OCA2: variants seen among roughly 807,000 people sequenced by gnomAD.
The protein encoded by OCA2 is P protein.
Under a neutral mutation model 100.2 loss-of-function variants are expected in OCA2, and 77 were observed. That is an observed-to-expected ratio of 0.77 (90% confidence interval 0.64 to 0.93). The LOEUF is 0.93. Ranked by LOEUF, OCA2 falls within the 40% of genes least tolerant of loss-of-function variation. The pLI, the probability that OCA2 is intolerant of heterozygous loss-of-function variation, is 0.00. For missense variants in OCA2, 1,062 were observed against 1,089.1 expected (o/e 0.98, Z 0.35); for synonymous variants, 432 against 439.2 (o/e 0.98, Z 0.21).
downstream of OCA2, among the ~76,000 whole-genome samples, chr15:27,753,246 T>C (rs73370338): frequency 0.021 from 3,225 of 151,246 alleles, 121 homozygotes; most frequent in African/African-American, 0.073. Context: ...TGTTGGAGCG[T>C]CAGAGAAAGA....
intron 18 of OCA2, among the ~76,000 whole-genome samples, chr15:27,928,078 C>T: frequency 6.6e-6 from 1 of 152,130 alleles, no homozygotes; most frequent in Non-Finnish European, 1.5e-5. Context: ...AGGCATGAGC[C>T]ACCATGCCCA....
At chr15:27,780,841 G>T (rs1028811339) in intron 23 of OCA2, among the ~76,000 whole-genome samples, 1 of 152,200 alleles carries the variant, frequency 6.6e-6, no homozygotes, top group East Asian at 1.9e-4. Context: ...CATCAAAAAT[G>T]ATTTTAGCTA....
At chr15:27,812,863 C>T (rs1008542772) in intron 23 of OCA2, among the ~76,000 whole-genome samples, 5 of 152,160 alleles carry the variant, frequency 3.3e-5, no homozygotes, top group African/African-American at 1.2e-4. Flanking sequence ...CCATGGCCCT[C>T]ACCCCAGCCA....
chr15:27,792,474 G>A (rs902165350), intron 23 of OCA2, among the ~76,000 whole-genome samples: 9 of 152,060 alleles, frequency 5.9e-5, no homozygotes, highest in Admixed American at 1.3e-4. Flanking sequence ...CTTGGCTTTC[G>A]GGCAAAGCTT....
chr15:28,036,480 T>G (rs948236018), intron 2 of OCA2, among the ~76,000 whole-genome samples: 1 of 152,136 alleles, frequency 6.6e-6, no homozygotes, highest in Admixed American at 6.5e-5. Flanking sequence ...ACAGCCAGAA[T>G]TGATGGATCT....
intron 2 of OCA2, among the ~76,000 whole-genome samples, chr15:28,059,277 C>T (rs2043800209): frequency 6.6e-6 from 1 of 152,136 alleles, no homozygotes; most frequent in South Asian, 2.1e-4. Context: ...GGAGGTGGGG[C>T]GTGAGCTACT....
At chr15:27,807,017 C>T (rs973340605) in intron 23 of OCA2, among the ~76,000 whole-genome samples, 40 of 152,136 alleles carry the variant, frequency 2.6e-4, no homozygotes, top group African/African-American at 8.9e-4. Flanking sequence ...CTCAACTCCA[C>T]GAAAAACACG....
intron 23 of OCA2, among the ~76,000 whole-genome samples, chr15:27,837,198 G>A (rs904648482): frequency 6.6e-6 from 1 of 152,178 alleles, no homozygotes; most frequent in African/African-American, 2.4e-5. Context: ...CTCCAATGGA[G>A]CAAATAAAAT....
the OCA2 span, among the ~76,000 whole-genome samples, chr15:27,736,784 T>C: frequency 6.6e-6 from 1 of 152,208 alleles, no homozygotes; most frequent in Non-Finnish European, 1.5e-5. Context: ...CATATTGAAC[T>C]ATGAAATGTT....
chr15:27,759,474 G>A (rs573703095), intron 23 of OCA2, among the ~76,000 whole-genome samples: 14 of 151,736 alleles, frequency 9.2e-5, no homozygotes, highest in Non-Finnish European at 2.9e-5. Context: ...GTAAAAGCAC[G>A]GATAAAGAAT....
Position 27,798,227 on chromosome 15 carries a change from G to A in OCA2, c.2433-42755C>T, listed in dbSNP as rs575593376. ...AGGAAGGGCCAGGCTATGACCAATC[G>A]TCTTGCTTCCTCTTCTTGGCTCACA... is the stretch of plus-strand genomic sequence containing the variant. On this transcript the variant is annotated intron_variant, in intron 23 of 23. Transcript: ENST00000354638. Among the ~76,000 whole-genome samples, 50 of 152,322 alleles carry A rather than the reference G, an allele frequency of 3.3e-4. No homozygotes were observed. The South Asian group carries it at 7.5e-3, about 23-fold the overall frequency.
intron 21 of OCA2, among the ~76,000 whole-genome samples, chr15:27,870,822 A>G (rs141736595): frequency 0.019 from 2,600 of 137,120 alleles, 73 homozygotes; most frequent in African/African-American, 0.077. Context: ...GAGAGAGAGA[A>G]AGAAAGAAAG....
intron 19 of OCA2, among the ~76,000 whole-genome samples, chr15:27,902,697 G>A (rs866204612): frequency 3.9e-5 from 6 of 152,174 alleles, no homozygotes; most frequent in African/African-American, 1.4e-4. Flanking sequence ...GGGAAACAGA[G>A]GGACTTTGGA....
chr15:27,754,473 C>T (rs2150968035), downstream of OCA2, among the ~76,000 whole-genome samples: 1 of 152,294 alleles, frequency 6.6e-6, no homozygotes, highest in East Asian at 1.9e-4. Context: ...GGGCTTCTTC[C>T]TCTGGGGCAT....
intron 17 of OCA2, among the ~76,000 whole-genome samples, chr15:27,953,935 A>G (rs548671389): frequency 6.6e-6 from 1 of 151,898 alleles, no homozygotes; most frequent in South Asian, 2.1e-4. Flanking sequence ...TCAAGTCCCC[A>G]AAGTCCATTA....
intron 23 of OCA2, among the ~76,000 whole-genome samples, chr15:27,828,976 T>C (rs1418552155): frequency 1.3e-5 from 2 of 152,190 alleles, no homozygotes; most frequent in African/African-American, 4.8e-5. Flanking sequence ...AGCACTGTCC[T>C]GAAGACATCC....
intron 9 of OCA2, among the ~76,000 whole-genome samples, chr15:28,008,900 G>A (rs1241464498): frequency 6.6e-6 from 1 of 152,228 alleles, no homozygotes; most frequent in Non-Finnish European, 1.5e-5. Context: ...AGAGCAGGAT[G>A]CAGACAGCAG....
chr15:27,890,962 T>C (rs139768368), intron 19 of OCA2, among the ~76,000 whole-genome samples: 1 of 150,084 alleles, frequency 6.7e-6, no homozygotes, highest in African/African-American at 2.5e-5. Flanking sequence ...GAGGCAGAGG[T>C]GGCAGTGAGC....
chr15:27,858,413 T>C (rs1240796903), intron 21 of OCA2, among the ~76,000 whole-genome samples: 1 of 149,244 alleles, frequency 6.7e-6, no homozygotes, highest in Non-Finnish European at 1.5e-5. Flanking sequence ...AAACAGAAAT[T>C]GGCAGACTGG....
Sources: allele counts gnomAD v4.1 joint callset (sites outside exome capture counted in the v4.1 genomes callset), GRCh38; gene constraint gnomAD v4.1.1; transcripts MANE v1.5; gene names NCBI Gene and HGNC (gene_info 2026-07-23, HGNC 2026-07-21).